Variants in ZNF536 observed in about 807,000 individuals in gnomAD.
ZNF536 encodes zinc finger protein 536.
In ZNF536, 13 loss-of-function variants were observed where a neutral mutation model predicts 84.5. The observed-to-expected ratio is 0.15, with a 90% CI of 0.10 to 0.24. ZNF536 has a LOEUF of 0.24. ZNF536 is among the 10% of genes least tolerant of loss of function. ZNF536 has a pLI of 1.00. For missense variants in ZNF536, 1,536 were observed against 1,747.5 expected (o/e 0.88, Z 2.16); for synonymous variants, 811 against 742.5 (o/e 1.09, Z -1.50).
chr19:30,691,851 T>G (rs2051423707), intron 1 of ZNF536, among the ~76,000 whole-genome samples: 1 of 152,084 alleles, frequency 6.6e-6, no homozygotes, highest in Admixed American at 6.5e-5. Context: ...AGTGGACAAA[T>G]GAAAGGGATT....
At chr19:30,369,666 G>A (rs767203011), upstream of ZNF536, among the ~76,000 whole-genome samples, 1 of 152,168 alleles carries the variant, frequency 6.6e-6, no homozygotes, top group East Asian at 1.9e-4. Flanking sequence ...AAGATAAGCA[G>A]GTTCTCCTCT....
At chr19:30,422,115 C>A (rs377735996) in intron 1 of ZNF536, among the ~76,000 whole-genome samples, 24 of 152,218 alleles carry the variant, frequency 1.6e-4, no homozygotes, top group Admixed American at 3.3e-4. Context: ...TATGCGGGTG[C>A]CTGAAACTGG....
intron 1 of ZNF536, among the ~76,000 whole-genome samples, chr19:30,277,170 C>T (rs184800484): frequency 4.6e-5 from 7 of 152,314 alleles, no homozygotes; most frequent in African/African-American, 1.4e-4. Flanking sequence ...GAAAGACCAT[C>T]TTTAGAGTAA....
intron 2 of ZNF536, among the ~76,000 whole-genome samples, chr19:30,483,069 C>T (rs1324522032): frequency 6.6e-6 from 1 of 152,224 alleles, no homozygotes; most frequent in Non-Finnish European, 1.5e-5. Flanking sequence ...TCCCATCCTC[C>T]AGGCTCCAGC....
chr19:30,514,965 T>C (rs1025178085), intron 2 of ZNF536, among the ~76,000 whole-genome samples: 1 of 152,074 alleles, frequency 6.6e-6, no homozygotes, highest in Admixed American at 6.6e-5. Flanking sequence ...TAAAACTCTG[T>C]GGCCCAGCGT....
At chr19:30,339,988 C>T (rs1391832262) in intron 2 of ZNF536, among the ~76,000 whole-genome samples, 1 of 152,160 alleles carries the variant, frequency 6.6e-6, no homozygotes, top group African/African-American at 2.4e-5. Flanking sequence ...GGGCACTCTT[C>T]ATCCTAGGGA....
intron 1 of ZNF536, among the ~76,000 whole-genome samples, chr19:30,637,758 G>C (rs1357853379): frequency 6.6e-6 from 1 of 152,158 alleles, no homozygotes; most frequent in Non-Finnish European, 1.5e-5. Flanking sequence ...GAGTTTATTA[G>C]TTTTGCACTT....
At position 30,663,350 on chromosome 19, in the gene ZNF536, A is replaced by G. The variant is rs144224615; in HGVS notation, c.170-47407A>G. 1.3e-3 allele frequency among the ~76,000 whole-genome samples: 193 copies of G among 152,326 alleles called. 1 individual carries two copies. The highest frequency in any genetic ancestry group is 4.2e-3 in the African/African-American group (176 of 41,566). Reference sequence around the variant, plus strand: ...TATTTGCCCTTTATTTATACAGTGGAGAAAACCTTTGAAACCCGAAACTCT... The same window carrying G: ...TATTTGCCCTTTATTTATACAGTGGGGAAAACCTTTGAAACCCGAAACTCT... On this transcript the variant is annotated intron_variant, in intron 1 of 1. Transcript: ENST00000592773.
intron 1 of ZNF536, among the ~76,000 whole-genome samples, chr19:30,373,411 G>A (rs1448508389): frequency 6.6e-6 from 1 of 151,222 alleles, no homozygotes; most frequent in Non-Finnish European, 1.5e-5. Flanking sequence ...CCCACCCCTT[G>A]GTTAATGGCT....
At chr19:30,684,795 A>C (rs1240156836) in intron 1 of ZNF536, among the ~76,000 whole-genome samples, 2 of 152,180 alleles carry the variant, frequency 1.3e-5, no homozygotes, top group Admixed American at 6.5e-5. Flanking sequence ...TGATTGACGC[A>C]GGGGGCGGGA....
intron 2 of ZNF536, among the ~76,000 whole-genome samples, chr19:30,531,582 C>G (rs1234469308): frequency 6.6e-6 from 1 of 151,950 alleles, no homozygotes; most frequent in Admixed American, 6.6e-5. Context: ...AATTTTTCAA[C>G]CTTGCTCCCC....
intron 1 of ZNF536, among the ~76,000 whole-genome samples, chr19:30,630,471 G>T (rs892688914): frequency 6.6e-6 from 1 of 151,856 alleles, no homozygotes; most frequent in Non-Finnish European, 1.5e-5. Flanking sequence ...CATTTGCATG[G>T]CTGTGTGTGC....
At chr19:30,435,568 G>A (rs1009672204) in intron 1 of ZNF536, among the ~76,000 whole-genome samples, 1 of 150,750 alleles carries the variant, frequency 6.6e-6, no homozygotes, top group African/African-American at 2.4e-5. Flanking sequence ...GGTAATGATG[G>A]TGATGGTGAT....
intron 1 of ZNF536, among the ~76,000 whole-genome samples, chr19:30,407,127 C>T (rs1274112990): frequency 6.6e-6 from 1 of 152,196 alleles, no homozygotes. Context: ...AGGGAGCCAG[C>T]CCTACAACTC....
intron 1 of ZNF536, among the ~76,000 whole-genome samples, chr19:30,642,480 A>C (rs2049302426): frequency 6.6e-6 from 1 of 152,178 alleles, no homozygotes; most frequent in Non-Finnish European, 1.5e-5. Context: ...AGGACCCGCA[A>C]GTTGAAGGAG....
At chr19:30,449,493 A>G (rs780106840) in intron 2 of ZNF536, among the ~76,000 whole-genome samples, 1 of 152,206 alleles carries the variant, frequency 6.6e-6, no homozygotes. Flanking sequence ...AATCACACTC[A>G]GAATAATTAA....
intron 1 of ZNF536, among the ~76,000 whole-genome samples, chr19:30,570,412 C>T (rs763627588): frequency 1.3e-5 from 2 of 152,128 alleles, no homozygotes; most frequent in East Asian, 1.9e-4. Flanking sequence ...CAGAGGCAGC[C>T]GGGAGCCAGC....
intron 1 of ZNF536, among the ~76,000 whole-genome samples, chr19:30,566,847 C>CA (rs1599832718): frequency 6.6e-6 from 1 of 150,580 alleles, no homozygotes; most frequent in East Asian, 2.0e-4. Flanking sequence ...GGGGTCCCTG[C>CA]ATGTGGCCTC....
At chr19:30,516,250 GA>G (rs763635963) in intron 2 of ZNF536, among the ~76,000 whole-genome samples, 1 of 152,106 alleles carries the variant, frequency 6.6e-6, no homozygotes, top group Admixed American at 6.5e-5. Flanking sequence ...CATCAGCCAG[GA>G]AGGACCCAGG....
Sources: allele counts gnomAD v4.1 joint callset (sites outside exome capture counted in the v4.1 genomes callset), GRCh38; gene constraint gnomAD v4.1.1; transcripts MANE v1.5; gene names NCBI Gene and HGNC (gene_info 2026-07-23, HGNC 2026-07-21).